Variants in DIP2B observed in about 807,000 individuals in gnomAD.
The protein encoded by DIP2B is DIP2 acetate--CoA ligase B (putative).
In DIP2B, 76 loss-of-function variants were observed where a neutral mutation model predicts 198.0. The ratio of observed to expected loss-of-function variants is 0.38; its 90% confidence interval spans 0.32 to 0.46. DIP2B has a LOEUF of 0.46. Among genes scored for constraint, DIP2B ranks in the 20% least tolerant of loss-of-function variants. DIP2B has a pLI of 0.99. For synonymous variants in DIP2B, 701 were observed against 739.1 expected, an observed-to-expected ratio of 0.95 and a Z score of 0.84; for missense variants, 1,559 against 1,978.4, an observed-to-expected ratio of 0.79 and a Z score of 4.02.
chr12:50,611,169 C>T (rs929212472), intron 1 of DIP2B, among the ~76,000 whole-genome samples: 1 of 152,166 alleles, frequency 6.6e-6, no homozygotes, highest in Non-Finnish European at 1.5e-5. Context: ...TCAGCCAAGT[C>T]AAAAGTTTTA....
At chr12:50,649,550 C>T (rs1447185273) in intron 3 of DIP2B, among the ~76,000 whole-genome samples, 1 of 152,126 alleles carries the variant, frequency 6.6e-6, no homozygotes, top group Non-Finnish European at 1.5e-5. Context: ...ATATCTCACA[C>T]CATGTATAAG....
chr12:50,522,775 T>C (rs1196986002), intron 1 of DIP2B, among the ~76,000 whole-genome samples: 3 of 152,148 alleles, frequency 2.0e-5, no homozygotes, highest in African/African-American at 4.8e-5. Context: ...AAGAAACATA[T>C]TGCAAGAGAA....
Position 50,640,946 on chromosome 12 carries a change from T to TC in DIP2B, c.301+97dup, listed in dbSNP as rs1251178003. 38 of 1,444,648 alleles carry TC rather than the reference T, an allele frequency of 2.6e-5. No individual in the cohort carries two copies. The African/African-American group carries it at 4.9e-4, about 18-fold the overall frequency. The allele number at this position is 1,444,648 out of a possible 1,614,324, so 89.5% of individuals were successfully genotyped here. A position where few individuals can be genotyped will look rare whatever the true frequency, so the allele number is the denominator to read the frequency against. On this transcript the variant is annotated intron_variant, in intron 3 of 37. Coordinates refer to ENST00000301180, the MANE Select transcript of DIP2B (RefSeq NM_173602.3). The stretch of plus-strand genomic sequence containing the variant: ...GAGCTTCTAATACTTGTCTTTTTTT[T>TC]CCCTATGAGGCACCAACAGTTTTAT...
rs79471269 is a variant in DIP2B, at chr12:50,613,784, C to T, written c.101-12192C>T. On this transcript the variant is annotated intron_variant, in intron 1 of 37. Transcript: ENST00000301180. ...AACCACTGACAACACTAACCCTTAT[C>T]GAACTTGTAATTAAATCATTAATTA... Among the ~76,000 whole-genome samples, 1,469 of 152,222 alleles carry T rather than the reference C, an allele frequency of 9.7e-3. 15 individuals carry two copies. Among genetic ancestry groups the T allele is most frequent in the Middle Eastern group, 0.065 (19 of 294 alleles).
At chr12:50,713,483 G>T (rs901209228) in intron 22 of DIP2B, among the ~76,000 whole-genome samples, 3 of 152,226 alleles carry the variant, frequency 2.0e-5, no homozygotes, top group African/African-American at 7.2e-5. Context: ...CTGTCAAACA[G>T]TGTAGGAACA....
At chr12:50,676,866 T>C (rs1938955018) in intron 7 of DIP2B, among the ~76,000 whole-genome samples, 1 of 152,220 alleles carries the variant, frequency 6.6e-6, no homozygotes, top group Non-Finnish European at 1.5e-5. Context: ...TTATTTTTTT[T>C]AGTTAATCTG....
At chr12:50,620,389 G>A (rs1161258570) in intron 1 of DIP2B, among the ~76,000 whole-genome samples, 1 of 152,210 alleles carries the variant, frequency 6.6e-6, no homozygotes, top group Non-Finnish European at 1.5e-5. Context: ...TTTATACTCA[G>A]CCTCACACAT....
chr12:50,625,874 A>C, intron 1 of DIP2B, 102 bp from the exon 2 acceptor site: 20 of 1,158,760 alleles, frequency 1.7e-5, no homozygotes, highest in East Asian at 2.8e-5. Flanking sequence ...CCCTGCCTCT[A>C]TATGGGGTAG....
intron 1 of DIP2B, among the ~76,000 whole-genome samples, chr12:50,523,056 T>C (rs1958134398): frequency 6.6e-6 from 1 of 152,176 alleles, no homozygotes; most frequent in Admixed American, 6.5e-5. Flanking sequence ...ATAAGATCTG[T>C]ATGAAGAAAA....
chr12:50,675,203 A>T (rs1938925438), intron 6 of DIP2B, 126 bp from the exon 7 acceptor site: 2 of 1,189,276 alleles, frequency 1.7e-6, no homozygotes, highest in Admixed American at 2.5e-5. Flanking sequence ...TATTTGGTCC[A>T]CTTGAAAGAG....
intron 1 of DIP2B, among the ~76,000 whole-genome samples, chr12:50,622,241 T>TG (rs1937828876): frequency 6.6e-6 from 1 of 152,328 alleles, no homozygotes; most frequent in East Asian, 1.9e-4. Context: ...TCTGTACCCC[T>TG]GTTAGCTGTA....
At chr12:50,685,568 G>T (rs1939117495) in intron 10 of DIP2B, among the ~76,000 whole-genome samples, 1 of 152,156 alleles carries the variant, frequency 6.6e-6, no homozygotes. Flanking sequence ...GCTGACTCTT[G>T]AATAAAATGG....
rs201996864 is a variant in DIP2B at position 50,689,378 on chromosome 12, G to GA, written c.1552-1662dup. ...CCTGAGCGAGACTCTGTCTCAAAAA[G>GA]AAAAAAAAAGGAGACCGGCTTTACA... On this transcript the variant is annotated intron_variant, in intron 12 of 37. Transcript: ENST00000301180. Among the ~76,000 whole-genome samples the GA allele has an allele frequency of 7.2e-3, 1,077 of 150,466 alleles. 16 individuals carry two copies. Among genetic ancestry groups the GA allele is most frequent in the African/African-American group, 0.025 (1,036 of 41,086 alleles).
At chr12:50,682,470 A>G (rs1247685152) in intron 9 of DIP2B, among the ~76,000 whole-genome samples, 2 of 152,022 alleles carry the variant, frequency 1.3e-5, no homozygotes, top group African/African-American at 2.4e-5. Flanking sequence ...TCTACTAAAA[A>G]TATTAAAAAT....
intron 5 of DIP2B, 93 bp downstream of exon 5, chr12:50,671,491 G>A: frequency 2.4e-6 from 3 of 1,253,322 alleles, no homozygotes; most frequent in Non-Finnish European, 3.4e-6. Context: ...AGGTTTTTCA[G>A]TATGGCCTAA....
rs967155505 is a variant in DIP2B, at chr12:50,721,264, T to C, written c.3043-9T>C. On this transcript the variant is annotated splice_polypyrimidine_tract_variant and intron_variant, in intron 25 of 37. Transcript: ENST00000301180. ...GCTTTGACCCGCTTATCCTTTCTGT[T>C]GTTTAAAGGGAACCACTGTATGCAC... 6.2e-7 allele frequency: 1 copy of C among 1,612,800 alleles called. No homozygotes were observed.
At chr12:50,629,432 A>G (rs1042601764) in intron 2 of DIP2B, among the ~76,000 whole-genome samples, 5 of 152,142 alleles carry the variant, frequency 3.3e-5, no homozygotes, top group Admixed American at 6.5e-5. Flanking sequence ...AGGCCTGAGA[A>G]TAAGCATTTT....
At chr12:50,507,876 C>T (rs902151166) in intron 1 of DIP2B, among the ~76,000 whole-genome samples, 3 of 151,986 alleles carry the variant, frequency 2.0e-5, no homozygotes, top group Non-Finnish European at 4.4e-5. Context: ...GACATTGGTG[C>T]ACTCATTTCT....
At chr12:50,515,136 T>C (rs7131993) in intron 1 of DIP2B, among the ~76,000 whole-genome samples, 132,485 of 152,032 alleles carry the variant, frequency 0.87, 58,922 homozygotes, top group Non-Finnish European at 0.98. Flanking sequence ...CTCATTAAGC[T>C]TCTGAAACAA....
Sources: allele counts gnomAD v4.1 joint callset (sites outside exome capture counted in the v4.1 genomes callset), GRCh38; gene constraint gnomAD v4.1.1; transcripts MANE v1.5; gene names NCBI Gene and HGNC (gene_info 2026-07-23, HGNC 2026-07-21).